The following ZBBX variants were observed in gnomAD, a reference collection of about 807,000 sequenced individuals.
ZBBX encodes the protein zinc finger B-box domain-containing protein 1.
Under a neutral mutation model 108.5 loss-of-function variants are expected in ZBBX, and 101 were observed. The observed-to-expected ratio is 0.93, with a 90% CI of 0.79 to 1.10. The LOEUF is 1.10. ZBBX is among the 50% of genes least tolerant of loss of function. The pLI is 0.00. For missense variants in ZBBX, 1,009 were observed against 941.4 expected (o/e 1.07, Z -0.94); for synonymous variants, 356 against 323.4 (o/e 1.10, Z -1.08).
the ZBBX span, among the ~76,000 whole-genome samples, chr3:167,186,452 T>C: frequency 3.5e-4 from 53 of 152,190 alleles, no homozygotes; most frequent in African/African-American, 1.2e-3. Context: ...TAATTTCTCA[T>C]TGGAAAAGCA....
the ZBBX span, among the ~76,000 whole-genome samples, chr3:167,203,979 T>C: frequency 6.6e-6 from 1 of 152,194 alleles, no homozygotes; most frequent in Admixed American, 6.5e-5. Flanking sequence ...GAACACATAA[T>C]AAATATGTCA....
At chr3:167,345,508 T>C (rs1294523657) in intron 9 of ZBBX, among the ~76,000 whole-genome samples, 1 of 151,838 alleles carries the variant, frequency 6.6e-6, no homozygotes, top group Non-Finnish European at 1.5e-5. Context: ...ATTCATACAT[T>C]TTTTCAAAAT....
chr3:167,188,908 G>A, the ZBBX span, among the ~76,000 whole-genome samples: 1 of 152,114 alleles, frequency 6.6e-6, no homozygotes, highest in Non-Finnish European at 1.5e-5. Context: ...AGAAGTTATT[G>A]AGGAAACCCT....
the ZBBX span, among the ~76,000 whole-genome samples, chr3:167,201,599 A>T: frequency 6.6e-6 from 1 of 152,160 alleles, no homozygotes; most frequent in Non-Finnish European, 1.5e-5. Context: ...TCAGAAACTC[A>T]TCATGTAAAT....
intron 8 of ZBBX, among the ~76,000 whole-genome samples, chr3:167,359,227 C>G (rs1332265319): frequency 6.6e-6 from 1 of 151,956 alleles, no homozygotes; most frequent in Non-Finnish European, 1.5e-5. Context: ...ACATAAAGTT[C>G]AAGAACAGAT....
chr3:167,196,617 G>T, the ZBBX span, among the ~76,000 whole-genome samples: 2 of 152,050 alleles, frequency 1.3e-5, no homozygotes, highest in African/African-American at 4.8e-5. Flanking sequence ...AATTACTAAG[G>T]TAGCAACATT....
In ZBBX at chr3:167,317,794, T is replaced by C. The variant is rs12495619; in HGVS notation, c.984-197A>G. ...CTAAAAAAAAACTGTGTAAATCAAC[T>C]TGACATCACAGAAGATTTTTAAATT... On this transcript the variant is annotated intron_variant, in intron 12 of 21. Coordinates refer to ENST00000675490, the MANE Select transcript of ZBBX (RefSeq NM_001199201.2). 0.33 allele frequency among the ~76,000 whole-genome samples: 50,731 copies of C among 151,824 alleles called. 8,929 individuals are homozygous for C. The highest frequency in any genetic ancestry group is 0.65 in the East Asian group (3,376 of 5,172).
chr3:167,207,761 G>T, the ZBBX span, among the ~76,000 whole-genome samples: 54 of 152,044 alleles, frequency 3.6e-4, no homozygotes, highest in African/African-American at 1.2e-3. Context: ...GGGGAGCAAG[G>T]TAGCCAAATA....
chr3:167,354,344 C>T (rs2108512016), intron 8 of ZBBX, among the ~76,000 whole-genome samples: 1 of 151,666 alleles, frequency 6.6e-6, no homozygotes, highest in Admixed American at 6.6e-5. Flanking sequence ...AAGTCAGGGA[C>T]CATTTATATC....
chr3:167,215,960 G>A, the ZBBX span, among the ~76,000 whole-genome samples: 3 of 152,004 alleles, frequency 2.0e-5, no homozygotes, highest in African/African-American at 7.3e-5. Context: ...CAATAAACTA[G>A]GTATTGAAGA....
At chr3:167,193,007 T>G in the ZBBX span, among the ~76,000 whole-genome samples, 1 of 152,182 alleles carries the variant, frequency 6.6e-6, no homozygotes, top group Admixed American at 6.5e-5. Context: ...GAGGTCATGG[T>G]TTCCTGCTTG....
intron 9 of ZBBX, among the ~76,000 whole-genome samples, chr3:167,346,573 G>A (rs530108908): frequency 1.3e-5 from 2 of 151,986 alleles, no homozygotes; most frequent in African/African-American, 4.8e-5. Context: ...TGTAATCACC[G>A]TCAGCCTAGA....
intron 8 of ZBBX, 62 bp from the exon 9 acceptor site, chr3:167,350,577 G>A (rs1742464045): frequency 2.5e-6 from 3 of 1,215,288 alleles, no homozygotes; most frequent in African/African-American, 3.1e-5. Context: ...TTTAGAAAGT[G>A]TTTGCATAAA....
chr3:167,326,807 A>C lies in ZBBX; in HGVS notation c.862+1135T>G, dbSNP rs576742685. ...AATACTTGAAGAAAATTTATTTAAA[A>C]GTTTAATTATAATTAGAAGACATTG... is the stretch of plus-strand genomic sequence containing the variant. On this transcript the variant is annotated intron_variant, in intron 11 of 21. Transcript: ENST00000675490. Among the ~76,000 whole-genome samples the C allele has an allele frequency of 8.5e-5, 13 of 152,208 alleles. No individual in the cohort carries two copies. The South Asian group carries it at 2.7e-3, about 32-fold the overall frequency.
intron 15 of ZBBX, among the ~76,000 whole-genome samples, chr3:167,315,014 T>C (rs912274236): frequency 6.6e-6 from 1 of 152,150 alleles, no homozygotes; most frequent in African/African-American, 2.4e-5. Context: ...TCTGTGTGTC[T>C]AAACATGGGA....
At chr3:167,301,740 G>A (rs1177450729) in intron 17 of ZBBX, among the ~76,000 whole-genome samples, 2 of 151,978 alleles carry the variant, frequency 1.3e-5, no homozygotes, top group African/African-American at 4.8e-5. Flanking sequence ...GTTGGATCGC[G>A]AGGTCAGGAG....
chr3:167,335,618 T>C (rs2108414309), intron 9 of ZBBX, among the ~76,000 whole-genome samples: 1 of 151,400 alleles, frequency 6.6e-6, no homozygotes, highest in East Asian at 1.9e-4. Flanking sequence ...AATGCTCCTA[T>C]TTTTAAATTT....
At chr3:167,279,942 C>T (rs1271444053) in intron 20 of ZBBX, among the ~76,000 whole-genome samples, 3 of 151,734 alleles carry the variant, frequency 2.0e-5, no homozygotes, top group African/African-American at 4.8e-5. Flanking sequence ...GAAATAACGC[C>T]GCATATCTAC....
At chr3:167,332,757 A>G (rs1738864338) in intron 10 of ZBBX, among the ~76,000 whole-genome samples, 1 of 152,222 alleles carries the variant, frequency 6.6e-6, no homozygotes, top group Non-Finnish European at 1.5e-5. Context: ...TTAAAACCAC[A>G]GTCTCTGCAA....
Sources: allele counts gnomAD v4.1 joint callset (sites outside exome capture counted in the v4.1 genomes callset), GRCh38; gene constraint gnomAD v4.1.1; transcripts MANE v1.5; gene names NCBI Gene and HGNC (gene_info 2026-07-23, HGNC 2026-07-21).